Variants in GALNT13 observed in about 807,000 individuals in gnomAD.
GALNT13 encodes the protein polypeptide N-acetylgalactosaminyltransferase 13.
In GALNT13, 28 loss-of-function variants were observed where a neutral mutation model predicts 64.2. The observed-to-expected ratio is 0.44, with a 90% CI of 0.32 to 0.60. GALNT13 has a LOEUF of 0.60. Among genes scored for constraint, GALNT13 ranks in the 20% least tolerant of loss-of-function variants. The pLI is 0.05. For missense variants in GALNT13, 577 were observed against 669.8 expected, an observed-to-expected ratio of 0.86 and a Z score of 1.53; for synonymous variants, 214 against 224.6, an observed-to-expected ratio of 0.95 and a Z score of 0.42.
intron 3 of GALNT13, among the ~76,000 whole-genome samples, chr2:153,961,427 G>A (rs574087550): frequency 6.6e-6 from 1 of 152,230 alleles, no homozygotes; most frequent in Non-Finnish European, 1.5e-5. Flanking sequence ...TTACAGCAAT[G>A]TAAATATCAG....
At chr2:153,338,449 C>T in the GALNT13 span, among the ~76,000 whole-genome samples, 12 of 151,986 alleles carry the variant, frequency 7.9e-5, no homozygotes, top group Non-Finnish European at 1.2e-4. Flanking sequence ...ACACATTTTT[C>T]GCATTTTGAA....
chr2:153,122,068 G>T, the GALNT13 span, among the ~76,000 whole-genome samples: 5 of 152,036 alleles, frequency 3.3e-5, no homozygotes, highest in Non-Finnish European at 5.9e-5. Flanking sequence ...CTCAGTAGAT[G>T]AATAATTTCT....
At chr2:154,180,496 T>C (rs908454014) in intron 4 of GALNT13, among the ~76,000 whole-genome samples, 2 of 150,534 alleles carry the variant, frequency 1.3e-5, no homozygotes, top group Admixed American at 6.6e-5. Context: ...TGTACGTTTC[T>C]ACAGTTATAA....
At chr2:153,703,265 A>G in the GALNT13 span, among the ~76,000 whole-genome samples, 174 of 152,300 alleles carry the variant, frequency 1.1e-3, 1 homozygote, top group South Asian at 3.3e-3. Context: ...TCACCATTAA[A>G]ATATAATCTT....
Position 154,347,374 on chromosome 2 carries a change from T to G in GALNT13, c.1156+45785T>G, listed in dbSNP as rs1192234624. ...TTATAATATTTTATTCCCAATGCCT[T>G]TTTAAAGCTTTTAACATAAGTTGAG... On this transcript the variant is annotated intron_variant, in intron 9 of 12. Coordinates refer to ENST00000392825, the MANE Select transcript of GALNT13 (RefSeq NM_052917.4). Among the ~76,000 whole-genome samples, 3 of 152,164 alleles carry G rather than the reference T, an allele frequency of 2.0e-5. No homozygotes were observed. The East Asian group carries it at 5.8e-4, about 29-fold the overall frequency.
chr2:153,695,183 T>C, the GALNT13 span, among the ~76,000 whole-genome samples: 2 of 152,318 alleles, frequency 1.3e-5, no homozygotes, highest in East Asian at 1.9e-4. Context: ...AGGGATTTAA[T>C]TGGGAGCTTT....
At chr2:154,114,225 A>G (rs553246349) in intron 3 of GALNT13, among the ~76,000 whole-genome samples, 3 of 152,188 alleles carry the variant, frequency 2.0e-5, no homozygotes, top group Non-Finnish European at 2.9e-5. Flanking sequence ...CTTTCCCACC[A>G]TAATATCCCT....
intron 8 of GALNT13, among the ~76,000 whole-genome samples, chr2:154,298,791 ATTAT>A (rs1354821800): frequency 1.7e-5 from 2 of 120,376 alleles, no homozygotes; most frequent in African/African-American, 6.5e-5. Context: ...TATATATTAT[ATTAT>A]TTATATATAA....
the GALNT13 span, among the ~76,000 whole-genome samples, chr2:153,654,578 T>C: frequency 6.6e-6 from 1 of 152,170 alleles, no homozygotes; most frequent in East Asian, 1.9e-4. Flanking sequence ...TATCTCTCCA[T>C]CCACACAGTC....
the GALNT13 span, among the ~76,000 whole-genome samples, chr2:153,141,208 T>C: frequency 6.6e-6 from 1 of 151,994 alleles, no homozygotes; most frequent in Non-Finnish European, 1.5e-5. Flanking sequence ...GTTTTTTATT[T>C]TCTTTTTAAA....
chr2:153,759,083 C>T, the GALNT13 span, among the ~76,000 whole-genome samples: 1 of 152,102 alleles, frequency 6.6e-6, no homozygotes, highest in Non-Finnish European at 1.5e-5. Flanking sequence ...TATATTTCTT[C>T]ATTTCTGTTT....
the GALNT13 span, among the ~76,000 whole-genome samples, chr2:153,531,461 A>G: frequency 1.3e-5 from 2 of 151,930 alleles, no homozygotes; most frequent in Non-Finnish European, 2.9e-5. Context: ...TGGTCTGATC[A>G]CCTCCCACCA....
chr2:154,366,796 A>G (rs1244046943), intron 9 of GALNT13, among the ~76,000 whole-genome samples: 3 of 152,178 alleles, frequency 2.0e-5, no homozygotes, highest in African/African-American at 4.8e-5. Context: ...GGGAAGGCGG[A>G]AAGTATAGTT....
chr2:153,383,815 G>T, the GALNT13 span, among the ~76,000 whole-genome samples: 1 of 152,152 alleles, frequency 6.6e-6, no homozygotes, highest in South Asian at 2.1e-4. Context: ...AGCCCAGGAT[G>T]AGTGGCAGAA....
the GALNT13 span, among the ~76,000 whole-genome samples, chr2:153,099,452 A>G: frequency 6.6e-6 from 1 of 152,220 alleles, no homozygotes; most frequent in Non-Finnish European, 1.5e-5. Flanking sequence ...CAATATTGAT[A>G]TATTGATAAA....
intron 11 of GALNT13, among the ~76,000 whole-genome samples, chr2:154,417,282 C>CAAA (rs35825821): frequency 1.0e-3 from 78 of 75,102 alleles, no homozygotes; most frequent in Non-Finnish European, 1.6e-3. Flanking sequence ...AAACAAGCAC[C>CAAA]AAAAAAAAAA....
At chr2:153,966,936 CT>C (rs1359143729) in intron 3 of GALNT13, among the ~76,000 whole-genome samples, 16 of 152,088 alleles carry the variant, frequency 1.1e-4, no homozygotes, top group African/African-American at 3.4e-4. Flanking sequence ...TTTTTCACCC[CT>C]GACTGTATAT....
the GALNT13 span, among the ~76,000 whole-genome samples, chr2:153,635,994 A>G: frequency 2.0e-5 from 3 of 152,186 alleles, no homozygotes; most frequent in African/African-American, 7.2e-5. Context: ...ATGTGTGTTG[A>G]TGTGGGATGA....
the GALNT13 span, among the ~76,000 whole-genome samples, chr2:153,135,016 C>T: frequency 1.3e-5 from 2 of 152,084 alleles, no homozygotes; most frequent in African/African-American, 4.8e-5. Context: ...CAGGCTGTAA[C>T]AAAATACCAT....
Sources: gnomAD v4.1 joint callset for allele counts (sites outside exome capture counted in the v4.1 genomes callset) on GRCh38, gnomAD v4.1.1 for gene constraint, MANE v1.5 for transcripts, NCBI Gene and HGNC (gene_info 2026-07-23, HGNC 2026-07-21) for gene names.